Variants in CSMD1 observed in about 807,000 individuals in gnomAD.
CSMD1 encodes CUB and Sushi multiple domains 1.
A neutral mutation model predicts 417.5 loss-of-function variants in CSMD1; 213 were observed. The observed-to-expected ratio is 0.51, with a 90% confidence interval of 0.46 to 0.57. The LOEUF (loss-of-function observed/expected upper bound fraction) is 0.57, where lower values mean the gene tolerates loss of function less well. CSMD1 is among the 20% of genes least tolerant of loss of function. The pLI is 0.00. For missense variants in CSMD1, 6,923 were observed against 4,529.7 expected (o/e 1.53, Z -15.17); for synonymous variants, 2,862 against 1,736.8 (o/e 1.65, Z -16.11).
At chr8:3,406,412 C>T (rs989709246) in intron 14 of CSMD1, among the ~76,000 whole-genome samples, 191 bp from the exon 15 acceptor site, 4 of 151,904 alleles carry the variant, frequency 2.6e-5, no homozygotes, top group South Asian at 2.1e-4. Context: ...TGAGAAAGAG[C>T]GAGCAGGGAG....
intron 1 of CSMD1, among the ~76,000 whole-genome samples, chr8:4,834,820 G>T (rs1483674141): frequency 6.6e-6 from 1 of 151,488 alleles, no homozygotes; most frequent in African/African-American, 2.4e-5. Flanking sequence ...AGCCGGGCGT[G>T]GTGGTGGGCG....
At chr8:3,075,285 T>C (rs923050523) in intron 49 of CSMD1, among the ~76,000 whole-genome samples, 7 of 150,814 alleles carry the variant, frequency 4.6e-5, no homozygotes, top group Non-Finnish European at 1.0e-4. Context: ...TCTTTCTTTT[T>C]TTTTTTTTTT....
intron 5 of CSMD1, among the ~76,000 whole-genome samples, chr8:3,922,740 A>G (rs897905153): frequency 2.0e-5 from 3 of 152,126 alleles, no homozygotes; most frequent in Non-Finnish European, 4.4e-5. Flanking sequence ...TGTATTTATT[A>G]ACCAATTATT....
At chr8:3,122,528 TG>T (rs2094476394) in intron 41 of CSMD1, among the ~76,000 whole-genome samples, 1 of 152,148 alleles carries the variant, frequency 6.6e-6, no homozygotes, top group Admixed American at 6.5e-5. Flanking sequence ...CAACTTGAAT[TG>T]TATCTCCCAG....
intron 3 of CSMD1, among the ~76,000 whole-genome samples, chr8:4,158,230 G>A (rs1392534786): frequency 6.6e-6 from 1 of 151,846 alleles, no homozygotes; most frequent in Non-Finnish European, 1.5e-5. Context: ...TTGATGCTAG[G>A]ACGGAGGATC....
intron 1 of CSMD1, among the ~76,000 whole-genome samples, chr8:4,651,264 A>G (rs537175426): frequency 2.3e-4 from 35 of 152,354 alleles, no homozygotes; most frequent in African/African-American, 5.1e-4. Context: ...TAAATCATAA[A>G]AAGCATTTGT....
At chr8:4,923,454 T>G (rs1181722521) in intron 1 of CSMD1, among the ~76,000 whole-genome samples, 2 of 152,196 alleles carry the variant, frequency 1.3e-5, no homozygotes, top group Non-Finnish European at 2.9e-5. Context: ...GTGTGCTTAT[T>G]TCATATTACA....
At chr8:4,023,361 A>C (rs922524227) in intron 4 of CSMD1, among the ~76,000 whole-genome samples, 14 of 152,326 alleles carry the variant, frequency 9.2e-5, no homozygotes, top group Non-Finnish European at 1.8e-4. Context: ...TGAAACAAGC[A>C]GAACAACAAT....
At chr8:4,025,813 A>C (rs944885033) in intron 4 of CSMD1, among the ~76,000 whole-genome samples, 5 of 152,178 alleles carry the variant, frequency 3.3e-5, no homozygotes, top group African/African-American at 7.2e-5. Flanking sequence ...CCTCTGATTT[A>C]GTTCTGTTAA....
intron 5 of CSMD1, among the ~76,000 whole-genome samples, chr8:3,850,598 G>A (rs1393385754): frequency 6.6e-6 from 1 of 152,166 alleles, no homozygotes. Flanking sequence ...AGGAAGCTGA[G>A]GCAGGAGAAT....
chr8:3,883,470 A>G (rs969329793), intron 5 of CSMD1, among the ~76,000 whole-genome samples: 6 of 152,262 alleles, frequency 3.9e-5, no homozygotes, highest in East Asian at 3.9e-4. Flanking sequence ...AAGTGTGTAT[A>G]TATGTATATG....
At chr8:3,222,711 T>C (rs1386224115) in intron 28 of CSMD1, among the ~76,000 whole-genome samples, 1 of 152,192 alleles carries the variant, frequency 6.6e-6, no homozygotes, top group Non-Finnish European at 1.5e-5. Context: ...CATAGATATC[T>C]AAAAAATATA....
intron 2 of CSMD1, among the ~76,000 whole-genome samples, chr8:4,490,873 A>T (rs899140587): frequency 2.0e-5 from 3 of 152,354 alleles, no homozygotes; most frequent in Admixed American, 2.0e-4. Context: ...GACGTGATTT[A>T]ATACACACAA....
At position 4,660,161 on chromosome 8, in the gene CSMD1, G is replaced by A. The variant is rs143265242; in HGVS notation, c.86-22603C>T. On this transcript the variant is annotated intron_variant, in intron 1 of 69. Coordinates refer to ENST00000635120, the MANE Select transcript of CSMD1 (RefSeq NM_033225.6). Reference sequence around the variant, plus strand: ...AAATAAAATTTATATACATCTGAAAGGGAGAAATAAAACTGTCCATATTTA... The same window carrying A: ...AAATAAAATTTATATACATCTGAAAAGGAGAAATAAAACTGTCCATATTTA... Among the ~76,000 whole-genome samples the A allele has an allele frequency of 6.4e-3, 945 of 147,648 alleles. 7 individuals carry two copies. The highest frequency in any genetic ancestry group is 0.012 in the African/African-American group (483 of 40,408).
chr8:3,905,528 C>T (rs2129136324), intron 5 of CSMD1, among the ~76,000 whole-genome samples: 1 of 152,348 alleles, frequency 6.6e-6, no homozygotes, highest in African/African-American at 2.4e-5. Context: ...CGTTTCTCAA[C>T]ATTCAGCATG....
chr8:3,194,206 G>T (rs1206330425), intron 33 of CSMD1, among the ~76,000 whole-genome samples: 1 of 152,054 alleles, frequency 6.6e-6, no homozygotes, highest in Non-Finnish European at 1.5e-5. Context: ...GTTTTTAGAT[G>T]TGGAAAACCA....
At position 2,935,463 on chromosome 8, in the gene CSMD1, T is replaced by C. The variant is rs1470981004; in HGVS notation, c.*3122A>G. 13 of 152,206 alleles carry C rather than the reference T, an allele frequency of 8.5e-5. No homozygotes were observed. 9.4% of individuals were successfully genotyped at this position (152,206 alleles called of 1,614,324 possible). A position where few individuals can be genotyped will look rare whatever the true frequency, so the allele number is the denominator to read the frequency against. On this transcript the variant is annotated 3_prime_UTR_variant, in exon 70 of 70. Transcript: ENST00000635120. ...TATAATTTTTTTGACAAAAAAAAGA[T>C]ACTGTTCATTTTAACAGGCCACTTT...
intron 2 of CSMD1, among the ~76,000 whole-genome samples, chr8:4,581,930 C>A (rs13253364): frequency 6.6e-6 from 1 of 152,274 alleles, no homozygotes; most frequent in East Asian, 1.9e-4. Context: ...ACAGTACAGT[C>A]AGGTCAAAGA....
chr8:4,035,710 ATAT>A (rs1215166078), intron 3 of CSMD1, among the ~76,000 whole-genome samples: 4 of 152,250 alleles, frequency 2.6e-5, no homozygotes, highest in African/African-American at 7.2e-5. Context: ...TTTCAGTTAA[ATAT>A]TATTACGGAA....
Sources: allele counts gnomAD v4.1 joint callset (sites outside exome capture counted in the v4.1 genomes callset), GRCh38; gene constraint gnomAD v4.1.1; transcripts MANE v1.5; gene names NCBI Gene and HGNC (gene_info 2026-07-23, HGNC 2026-07-21).